Variants in HHAT observed in about 807,000 individuals in gnomAD.
HHAT encodes the protein hedgehog acyltransferase.
A neutral mutation model predicts 70.8 loss-of-function variants in HHAT; 47 were observed. The observed-to-expected ratio is 0.66, with a 90% CI of 0.53 to 0.85. HHAT has a LOEUF of 0.85. Among genes scored for constraint, HHAT ranks in the 40% least tolerant of loss-of-function variants. HHAT has a pLI of 0.00. For synonymous variants in HHAT, 228 were observed against 247.6 expected (o/e 0.92, Z 0.74); for missense variants, 609 against 604.8 (o/e 1.01, Z -0.07).
rs139957200 is a variant in HHAT, at chr1:210,618,613, G to A, written c.1246-4913G>A. Among the ~76,000 whole-genome samples the A allele has an allele frequency of 7.4e-3, 1,123 of 152,022 alleles. 11 individuals are homozygous for A. The highest frequency in any genetic ancestry group is 0.025 in the African/African-American group (1,053 of 41,470). On this transcript the variant is annotated intron_variant, in intron 10 of 11. Transcript: ENST00000261458. ...GATGCTCAGCCTGTCCCCACCTCCC[G>A]TCTCAGCCCCACATGCAGCCCCTCT...
chr1:210,605,429 C>T (rs758106733), intron 10 of HHAT, among the ~76,000 whole-genome samples: 2 of 152,174 alleles, frequency 1.3e-5, no homozygotes, highest in Non-Finnish European at 2.9e-5. Flanking sequence ...GCATACTGGG[C>T]ATTGGATTGA....
intron 7 of HHAT, among the ~76,000 whole-genome samples, chr1:210,423,755 A>C (rs532082218): frequency 6.6e-6 from 1 of 152,172 alleles, no homozygotes; most frequent in Non-Finnish European, 1.5e-5. Flanking sequence ...TCTTCTGCAT[A>C]TGGGTATCCA....
chr1:210,450,404 C>G (rs2093728158), intron 7 of HHAT, among the ~76,000 whole-genome samples: 1 of 152,094 alleles, frequency 6.6e-6, no homozygotes, highest in Non-Finnish European at 1.5e-5. Flanking sequence ...TTGGATACAT[C>G]CTGCTTTTCA....
chr1:210,488,450 G>A (rs77380553), intron 8 of HHAT, among the ~76,000 whole-genome samples: 15,845 of 152,208 alleles, frequency 0.1, 1,102 homozygotes, highest in Middle Eastern at 0.17. Context: ...ATTGTTGATT[G>A]TCTGCCTTTC....
At chr1:210,552,811 A>G (rs1043487272) in intron 9 of HHAT, among the ~76,000 whole-genome samples, 1 of 152,172 alleles carries the variant, frequency 6.6e-6, no homozygotes, top group African/African-American at 2.4e-5. Flanking sequence ...TGATTATGTA[A>G]TAATGGACCT....
chr1:210,386,100 A>G (rs2091019061), intron 3 of HHAT, among the ~76,000 whole-genome samples: 1 of 152,114 alleles, frequency 6.6e-6, no homozygotes, highest in Admixed American at 6.6e-5. Context: ...ACATTACCCC[A>G]CAATCTTAGG....
chr1:210,639,769 G>C (rs1672631383), intron 11 of HHAT, among the ~76,000 whole-genome samples: 1 of 152,182 alleles, frequency 6.6e-6, no homozygotes, highest in South Asian at 2.1e-4. Flanking sequence ...GTTCCCCTTT[G>C]TGTCATCGTT....
At chr1:210,417,267 C>T (rs2092750501) in intron 6 of HHAT, among the ~76,000 whole-genome samples, 1 of 152,220 alleles carries the variant, frequency 6.6e-6, no homozygotes, top group African/African-American at 2.4e-5. Context: ...CAGTCTTGCT[C>T]TGTCACCCAG....
intron 4 of HHAT, among the ~76,000 whole-genome samples, chr1:210,390,274 G>A (rs1232182575): frequency 6.6e-6 from 1 of 152,082 alleles, no homozygotes; most frequent in African/African-American, 2.4e-5. Context: ...AAAGTAAAAG[G>A]TATGAAAAGA....
At position 210,623,575 on chromosome 1, in the gene HHAT, C is replaced by T; in HGVS notation, c.1295C>T (p.Ala432Val). Residue 432 changes from alanine (A) to valine (V), a missense_variant, in exon 11 of 12, where the codon GCT becomes GTT. Transcript: ENST00000261458. The stretch of plus-strand genomic sequence containing the variant: ...CGCCGTCGATTCCACGCTGCCCTTG[C>T]TTCTTGTTCCACCTCGATGCTGATC... The part of the protein sequence containing the change: ...QARRRFHAAL[A>V]SCSTSMLILS... The T allele has an allele frequency of 6.2e-7, 1 of 1,614,088 alleles. No homozygotes were observed. The highest frequency in any genetic ancestry group is 1.1e-5 in the South Asian group (1 of 91,046).
In HHAT at chr1:210,440,378, A is replaced by G. The variant is rs2501906; in HGVS notation, c.856+22053A>G. ...TGTAGGGAGTTCTGCAGGTTGGGTA[A>G]TTCTTTGGAGTGGTCCCAAGCAGAG... On this transcript the variant is annotated intron_variant, in intron 7 of 11. Coordinates refer to ENST00000261458, the MANE Select transcript of HHAT (RefSeq NM_018194.6). Among the ~76,000 whole-genome samples the G allele has an allele frequency of 1.2e-3, 180 of 151,650 alleles. 1 individual carries two copies. The highest frequency in any genetic ancestry group is 2.3e-3 in the Non-Finnish European group (156 of 67,992).
chr1:210,588,480 G>A (rs892826361), intron 10 of HHAT: 17 of 168,166 alleles, frequency 1.0e-4, no homozygotes, highest in African/African-American at 2.2e-4. Flanking sequence ...TGATTGTATC[G>A]GGACCACCTT....
At chr1:210,674,262 C>G in intron 11 of HHAT, 26 bp from the exon 12 acceptor site, 2 of 1,586,318 alleles carry the variant, frequency 1.3e-6, no homozygotes, top group Non-Finnish European at 1.7e-6. Flanking sequence ...TCTAACTGCT[C>G]TTCCATCTCT....
At chr1:210,343,657 C>CGGGCTGAAAA (rs2086237320) in intron 1 of HHAT, among the ~76,000 whole-genome samples, 2 of 152,120 alleles carry the variant, frequency 1.3e-5, no homozygotes, top group Non-Finnish European at 2.9e-5. Flanking sequence ...GAAGAGGCAC[C>CGGGCTGAAAA]GGGCTGAAAG....
intron 9 of HHAT, among the ~76,000 whole-genome samples, chr1:210,533,465 T>C (rs1335929916): frequency 6.6e-6 from 1 of 152,172 alleles, no homozygotes; most frequent in Non-Finnish European, 1.5e-5. Flanking sequence ...CTGAGAAAAC[T>C]GCATCCCCAG....
chr1:210,568,017 T>TA (rs1655193561), intron 9 of HHAT, among the ~76,000 whole-genome samples: 1 of 152,238 alleles, frequency 6.6e-6, no homozygotes, highest in African/African-American at 2.4e-5. Flanking sequence ...AGCCCCTTAG[T>TA]AGCTTCAGGA....
intron 11 of HHAT, among the ~76,000 whole-genome samples, chr1:210,651,265 T>C (rs1487595793): frequency 2.6e-5 from 4 of 152,174 alleles, no homozygotes; most frequent in Non-Finnish European, 5.9e-5. Flanking sequence ...AGTTGGGAGT[T>C]AGATGGCATA....
At chr1:210,547,294 C>G (rs751534342) in intron 9 of HHAT, among the ~76,000 whole-genome samples, 6 of 152,062 alleles carry the variant, frequency 3.9e-5, no homozygotes, top group Non-Finnish European at 7.4e-5. Flanking sequence ...CCATTGCACT[C>G]CAGCCTGGGC....
chr1:210,588,323 T>G (rs1050265563), intron 10 of HHAT: 1 of 452,388 alleles, frequency 2.2e-6, no homozygotes, highest in Admixed American at 3.9e-5. Context: ...CTATAAAAAA[T>G]GTATTATGTA....
Sources: allele counts gnomAD v4.1 joint callset (sites outside exome capture counted in the v4.1 genomes callset), GRCh38; gene constraint gnomAD v4.1.1; transcripts MANE v1.5; gene names NCBI Gene and HGNC (gene_info 2026-07-23, HGNC 2026-07-21).